RAB6A: variants seen among roughly 807,000 people sequenced by gnomAD.
RAB6A encodes ras-related protein Rab-6A.
In RAB6A, 8 loss-of-function variants were observed where a neutral mutation model predicts 32.3. That is an observed-to-expected ratio of 0.25 (90% CI 0.15 to 0.45). The LOEUF is 0.45. Among genes scored for constraint, RAB6A ranks in the 20% least tolerant of loss-of-function variants. The pLI is 1.00. For synonymous variants in RAB6A, 73 were observed against 82.1 expected, an observed-to-expected ratio of 0.89 and a Z score of 0.60; for missense variants, 104 against 249.4, an observed-to-expected ratio of 0.42 and a Z score of 3.93.
intron 6 of RAB6A, among the ~76,000 whole-genome samples, chr11:73,691,634 A>C (rs1464908): frequency 0.8 from 121,075 of 152,154 alleles, 48,421 homozygotes; most frequent in East Asian, 0.86. Context: ...ATGTTAGCTA[A>C]AACAATAATT....
At chr11:73,704,712 A>C (rs540947022) in intron 6 of RAB6A, among the ~76,000 whole-genome samples, 1 of 149,720 alleles carries the variant, frequency 6.7e-6, no homozygotes, top group East Asian at 2.0e-4. Flanking sequence ...AAAAATAAAA[A>C]TAGTCTGGGT....
chr11:73,679,572 C>T (rs1429447410), intron 7 of RAB6A, 82 bp downstream of exon 7: 12 of 1,539,168 alleles, frequency 7.8e-6, no homozygotes, highest in South Asian at 3.4e-5. Context: ...AAGGCAATGG[C>T]ACAATATTCT....
intron 5 of RAB6A, among the ~76,000 whole-genome samples, chr11:73,714,517 C>G (rs1946023311): frequency 6.7e-6 from 1 of 150,178 alleles, no homozygotes; most frequent in Non-Finnish European, 1.5e-5. Flanking sequence ...AAAAAATGAG[C>G]CGGGCATGGT....
chr11:73,682,344 T>C (rs1411483090), intron 6 of RAB6A, among the ~76,000 whole-genome samples: 1 of 152,058 alleles, frequency 6.6e-6, no homozygotes, highest in Non-Finnish European at 1.5e-5. Context: ...AATTAATGAC[T>C]GTGAAAGCTG....
chr11:73,757,176 C>G (rs1209870871), intron 1 of RAB6A, among the ~76,000 whole-genome samples: 1 of 107,606 alleles, frequency 9.3e-6, no homozygotes, highest in Non-Finnish European at 1.7e-5. Context: ...CAGAGTCTCA[C>G]TCTGTCACCC....
chr11:73,746,890 T>C (rs566785549), intron 1 of RAB6A, among the ~76,000 whole-genome samples: 2 of 152,196 alleles, frequency 1.3e-5, no homozygotes, highest in Admixed American at 6.5e-5. Context: ...CTCAATTTCC[T>C]CACGGTAAAA....
In RAB6A at chr11:73,757,040, C is replaced by T. The variant is rs114537260; in HGVS notation, c.70+3526G>A. 5.5e-3 allele frequency among the ~76,000 whole-genome samples: 729 copies of T among 133,688 alleles called. 7 individuals carry two copies. Among genetic ancestry groups the T allele is most frequent in the African/African-American group, 0.019 (667 of 35,422 alleles). 87.7% of individuals were successfully genotyped at this position (133,688 alleles called of 152,430 possible). On this transcript the variant is annotated intron_variant, in intron 1 of 7. Transcript: ENST00000336083. ...AGATTGATGTCATTAACTCAATCTG[C>T]TTCATGTACTGACACAATTCATTTT...
At chr11:73,714,210 AT>A (rs755311908) in intron 5 of RAB6A, among the ~76,000 whole-genome samples, 13,508 of 45,028 alleles carry the variant, frequency 0.3, 838 homozygotes, top group South Asian at 0.5. Flanking sequence ...AAAAAAAAAA[AT>A]ATATATATAT....
intron 1 of RAB6A, among the ~76,000 whole-genome samples, chr11:73,759,532 T>C (rs1486091598): frequency 6.6e-6 from 1 of 152,184 alleles, no homozygotes; most frequent in African/African-American, 2.4e-5. Flanking sequence ...GGTAACTAGA[T>C]GATGAGTCTG....
chr11:73,720,869 T>C lies in RAB6A; in HGVS notation c.160A>G (p.Thr54Ala). 1 of 1,610,068 alleles carries C rather than the reference T, an allele frequency of 6.2e-7. No homozygotes were observed. Among genetic ancestry groups the C allele is most frequent in the Non-Finnish European group, 8.5e-7 (1 of 1,177,754 alleles). The change falls in exon 3 of 8, where the codon ACT becomes GCT. Residue 54 changes from threonine to alanine, a missense_variant. Thr to Ala is a moderately conservative substitution (Grantham distance 58). Transcript: ENST00000336083. The part of the protein sequence containing the change: ...ATIGIDFLSK[T>A]MYLEDRTVRL... ...ACTGTTCGATCCTCCAAGTACATAG[T>C]TTTTGATAAAAAGTCAATGCCAATT...
intron 4 of RAB6A, 60 bp from the exon 5 acceptor site, chr11:73,716,422 G>T: frequency 1.6e-6 from 2 of 1,255,670 alleles, no homozygotes; most frequent in South Asian, 1.3e-5. Flanking sequence ...CCCAGGTGGT[G>T]GGCACCTCCC....
chr11:73,696,234 A>G (rs954413986), intron 6 of RAB6A, among the ~76,000 whole-genome samples: 16 of 151,970 alleles, frequency 1.1e-4, no homozygotes, highest in African/African-American at 3.6e-4. Context: ...TTTTGTTCTC[A>G]TCACCCAGGC....
intron 1 of RAB6A, among the ~76,000 whole-genome samples, chr11:73,757,176 C>T (rs1209870871): frequency 1.9e-5 from 2 of 107,606 alleles, no homozygotes; most frequent in Non-Finnish European, 3.4e-5. Flanking sequence ...CAGAGTCTCA[C>T]TCTGTCACCC....
At chr11:73,722,333 ATATATATATATTTTTTTTTTTT>A (rs1396824318) in intron 2 of RAB6A, 1 of 18,570 alleles carries the variant, frequency 5.4e-5, no homozygotes, top group Non-Finnish European at 9.6e-5. Flanking sequence ...ATATATATAT[ATATATATATATTTTTTTTTTTT>A]TTTTTTTTTT....
At chr11:73,699,367 T>A (rs2134901651) in intron 6 of RAB6A, among the ~76,000 whole-genome samples, 1 of 152,260 alleles carries the variant, frequency 6.6e-6, no homozygotes, top group African/African-American at 2.4e-5. Context: ...CAAGTGACGG[T>A]CCCATCTCAG....
At chr11:73,735,010 G>C (rs1386897255) in intron 1 of RAB6A, among the ~76,000 whole-genome samples, 3 of 152,136 alleles carry the variant, frequency 2.0e-5, no homozygotes, top group South Asian at 2.1e-4. Flanking sequence ...AAATTTTGAT[G>C]CATGTATTTG....
At chr11:73,692,159 T>C (rs556656545) in intron 6 of RAB6A, among the ~76,000 whole-genome samples, 2 of 151,854 alleles carry the variant, frequency 1.3e-5, no homozygotes, top group African/African-American at 4.8e-5. Flanking sequence ...TCAAAGAAAA[T>C]CTGGCAATAC....
chr11:73,711,726 A>G (rs904823357), intron 5 of RAB6A, among the ~76,000 whole-genome samples: 2 of 152,204 alleles, frequency 1.3e-5, no homozygotes, highest in African/African-American at 4.8e-5. Context: ...GAGTATTACC[A>G]TTCTGCATTG....
At chr11:73,733,849 A>T (rs182975895) in intron 1 of RAB6A, among the ~76,000 whole-genome samples, 224 of 152,278 alleles carry the variant, frequency 1.5e-3, no homozygotes, top group African/African-American at 4.9e-3. Flanking sequence ...TGCTGGTATT[A>T]ATCATTACAA....
Sources: allele counts gnomAD v4.1 joint callset (sites outside exome capture counted in the v4.1 genomes callset), GRCh38; gene constraint gnomAD v4.1.1; transcripts MANE v1.5; gene names NCBI Gene and HGNC (gene_info 2026-07-23, HGNC 2026-07-21).